Variants in TOGARAM1 observed in about 807,000 individuals in gnomAD.
TOGARAM1 encodes TOG array regulator of axonemal microtubules 1.
Under a neutral mutation model 166.6 loss-of-function variants are expected in TOGARAM1, and 100 were observed. The observed-to-expected ratio is 0.60, with a 90% CI of 0.51 to 0.71. TOGARAM1 has a LOEUF of 0.71. Among genes scored for constraint, TOGARAM1 ranks in the 30% least tolerant of loss-of-function variants. The pLI, the probability that TOGARAM1 is intolerant of heterozygous loss-of-function variation, is 0.00. For synonymous variants in TOGARAM1, 758 were observed against 763.8 expected (o/e 0.99, Z 0.13); for missense variants, 2,029 against 2,102.7 (o/e 0.96, Z 0.69).
chr14:45,041,272 A>C (rs1228884831), intron 11 of TOGARAM1, among the ~76,000 whole-genome samples: 2 of 151,848 alleles, frequency 1.3e-5, no homozygotes, highest in East Asian at 3.9e-4. Context: ...ATGGTGGCAC[A>C]TGCCTGTAAT....
chr14:44,986,653 T>C (rs1299386937), intron 1 of TOGARAM1, among the ~76,000 whole-genome samples: 1 of 151,978 alleles, frequency 6.6e-6, no homozygotes, highest in Non-Finnish European at 1.5e-5. Context: ...CTTTGAAGTT[T>C]ATTAAGAATT....
chr14:44,984,462 G>A lies in TOGARAM1; in HGVS notation c.2047-11284G>A, dbSNP rs192862762. Among the ~76,000 whole-genome samples, 1,206 of 151,904 alleles carry A rather than the reference G, an allele frequency of 7.9e-3. 6 individuals carry two copies. Among genetic ancestry groups the A allele is most frequent in the Middle Eastern group, 0.021 (6 of 292 alleles). ...TTAAAAGTATATTAAATAAGACAAT[G>A]TATATATTATATTTATTGTTATCAT... On this transcript the variant is annotated intron_variant, in intron 1 of 19. Transcript: ENST00000361462.
chr14:45,053,672 A>T (rs970616963), intron 15 of TOGARAM1, among the ~76,000 whole-genome samples: 13 of 152,200 alleles, frequency 8.5e-5, no homozygotes, highest in South Asian at 4.1e-4. Context: ...ATGCAAAAAA[A>T]AATAATCTGA....
At chr14:45,046,514 C>T in intron 13 of TOGARAM1, 31 bp from the exon 14 acceptor site, 2 of 1,267,214 alleles carry the variant, frequency 1.6e-6, no homozygotes, top group South Asian at 6.7e-5. Context: ...TATATAACAA[C>T]TCTGTTTTAA....
At chr14:45,062,306 G>A (rs575863383) in intron 16 of TOGARAM1, among the ~76,000 whole-genome samples, 30 of 152,128 alleles carry the variant, frequency 2.0e-4, no homozygotes, top group Non-Finnish European at 3.8e-4. Flanking sequence ...CTGTGATTAC[G>A]TTTAAATACA....
intron 11 of TOGARAM1, among the ~76,000 whole-genome samples, chr14:45,039,406 C>T (rs931787217): frequency 1.3e-5 from 2 of 152,170 alleles, no homozygotes; most frequent in Non-Finnish European, 2.9e-5. Context: ...GAAGGTACGG[C>T]TTCACCTGCC....
chr14:44,975,908 A>G (rs1008891216), intron 1 of TOGARAM1, among the ~76,000 whole-genome samples: 2 of 151,324 alleles, frequency 1.3e-5, no homozygotes, highest in Non-Finnish European at 2.9e-5. Context: ...TTTTGGTAGT[A>G]TTGAGAGTGC....
intron 1 of TOGARAM1, among the ~76,000 whole-genome samples, chr14:44,975,404 T>C (rs765761460): frequency 6.6e-6 from 1 of 152,188 alleles, no homozygotes; most frequent in Non-Finnish European, 1.5e-5. Context: ...TTAAAGGACT[T>C]AGGTTCCATA....
In TOGARAM1 at chr14:45,028,227, A is replaced by C. The variant is rs377102546; in HGVS notation, c.3556A>C (p.Lys1186Gln). ...TTATAACAAGATGAGACAAAAGAGA[A>C]AAGAAGAGAAAGAACTGTTTCACAA... ...STYNKMRQKR[K>Q]EEKELFHNKD... The change falls in exon 10 of 20, where the codon AAA becomes CAA. Residue 1186 changes from lysine (K) to glutamine (Q), a missense_variant. This residue lies in a region of TOGARAM1 where 1,453 missense variants were observed against 1,432.2 expected (regional missense o/e 1.01). Coordinates refer to ENST00000361462, the MANE Select transcript of TOGARAM1 (RefSeq NM_001308120.2). 69 of 1,597,588 alleles carry C rather than the reference A, an allele frequency of 4.3e-5. No individual in the cohort carries two copies. The highest frequency in any genetic ancestry group is 5.4e-5 in the Non-Finnish European group (64 of 1,175,566).
At chr14:44,999,556 A>G (rs1199340412) in intron 3 of TOGARAM1, 59 bp downstream of exon 3, 15 of 1,402,468 alleles carry the variant, frequency 1.1e-5, no homozygotes, top group Non-Finnish European at 1.4e-5. Context: ...TGGGGATTCC[A>G]ACACTAACTT....
At chr14:44,995,396 T>G (rs1887362810) in intron 1 of TOGARAM1, 6 of 450,804 alleles carry the variant, frequency 1.3e-5, no homozygotes, top group Non-Finnish European at 4.5e-6. Flanking sequence ...TATTGTCTAG[T>G]ACTCAAACAA....
At chr14:45,036,566 A>G (rs1881447983) in intron 11 of TOGARAM1, among the ~76,000 whole-genome samples, 1 of 152,226 alleles carries the variant, frequency 6.6e-6, no homozygotes, top group Non-Finnish European at 1.5e-5. Context: ...GAGAGTATTT[A>G]TTTTATATTG....
chr14:45,017,867 G>A (rs1187213328), intron 7 of TOGARAM1, among the ~76,000 whole-genome samples: 1 of 152,086 alleles, frequency 6.6e-6, no homozygotes, highest in Non-Finnish European at 1.5e-5. Flanking sequence ...GGTGACAAGT[G>A]AAACTCTGTC....
intron 11 of TOGARAM1, 149 bp downstream of exon 11, chr14:45,032,525 A>C: frequency 1.3e-6 from 1 of 767,676 alleles, no homozygotes; most frequent in Non-Finnish European, 2.1e-6. Context: ...TCAGCTCATT[A>C]ATGTAGCTGA....
In TOGARAM1 at chr14:44,999,444, G is replaced by A. The variant is rs530885794; in HGVS notation, c.2285G>A (p.Ser762Asn). 12 of 1,612,882 alleles carry A rather than the reference G, an allele frequency of 7.4e-6. No individual in the cohort carries two copies. The African/African-American group carries it at 1.5e-4, about 20-fold the overall frequency. ...TCACAAATATGTGGTAAAACTGGCA[G>A]TGTGGGTTCTGACTTACAATTCCTA... Reference protein sequence around the residue: ...GFSQICGKTGSVGSDLQFLGT... With the variant: ...GFSQICGKTGNVGSDLQFLGT... The change falls in exon 3 of 20, where the codon AGT (serine) becomes AAT (asparagine). Residue 762 changes from serine (S) to asparagine (N), a missense_variant. Physicochemically the swap from Ser to Asn is conservative, Grantham distance 46. Transcript: ENST00000361462.
At chr14:44,965,823 G>A (rs1479430239) in intron 1 of TOGARAM1, among the ~76,000 whole-genome samples, 1 of 150,994 alleles carries the variant, frequency 6.6e-6, no homozygotes, top group Non-Finnish European at 1.5e-5. Context: ...ATCCACCAAT[G>A]GTCTTTACCT....
intron 16 of TOGARAM1, among the ~76,000 whole-genome samples, chr14:45,063,686 G>T (rs970483869): frequency 1.4e-4 from 22 of 151,898 alleles, no homozygotes; most frequent in African/African-American, 4.4e-4. Context: ...CACGATGTTG[G>T]CCAGGATGGT....
chr14:44,996,083 T>TTTA, intron 2 of TOGARAM1, 181 bp downstream of exon 2: 3 of 429,336 alleles, frequency 7.0e-6, no homozygotes, highest in South Asian at 1.2e-4. Flanking sequence ...CCTGGAGGGT[T>TTTA]TCTCACTGAA....
At position 45,002,148 on chromosome 14, in the gene TOGARAM1, A is replaced by G. The variant is rs1173975308; in HGVS notation, c.2339-1913A>G. On this transcript the variant is annotated intron_variant, in intron 3 of 19. Transcript: ENST00000361462. ...TTTTGCACTCACCCCAAAGACCCAC[A>G]TAACTCCTTAAAGATATCCTTTGTG... is the stretch of plus-strand genomic sequence containing the variant. Among the ~76,000 whole-genome samples, 5 of 152,208 alleles carry G rather than the reference A, an allele frequency of 3.3e-5. No individual in the cohort carries two copies. In the East Asian group the frequency reaches 9.6e-4, roughly 29 times the overall value.
Sources: gnomAD v4.1 joint callset for allele counts (sites outside exome capture counted in the v4.1 genomes callset) on GRCh38, gnomAD v4.1.1 for gene constraint, gnomAD v4.1.1 regional missense constraint, MANE v1.5 for transcripts, NCBI Gene and HGNC (gene_info 2026-07-23, HGNC 2026-07-21) for gene names.